The following PKIG variants were observed in gnomAD, a reference collection of about 807,000 sequenced individuals.
PKIG encodes protein kinase (cAMP-dependent, catalytic) inhibitor gamma.
A neutral mutation model predicts 6.8 loss-of-function variants in PKIG; 1 was observed. The ratio of observed to expected loss-of-function variants is 0.15; its 90% confidence interval spans 0.05 to 0.69. The LOEUF is 0.69. PKIG is among the 30% of genes least tolerant of loss of function. PKIG has a pLI of 0.82. For missense variants in PKIG, 77 were observed against 104.0 expected (o/e 0.74, Z 1.13); for synonymous variants, 39 against 43.0 (o/e 0.91, Z 0.36).
intron 1 of PKIG, among the ~76,000 whole-genome samples, chr20:44,564,986 G>A (rs897986152): frequency 2.0e-5 from 3 of 152,146 alleles, no homozygotes; most frequent in African/African-American, 7.2e-5. Flanking sequence ...AAGAAAATCA[G>A]CAATTCTTTT....
chr20:44,595,405 A>G (rs182534096), intron 2 of PKIG, among the ~76,000 whole-genome samples: 53 of 152,382 alleles, frequency 3.5e-4, no homozygotes, highest in Non-Finnish European at 7.1e-4. Flanking sequence ...CCAGGCCTCT[A>G]GTGTTTCTGC....
chr20:44,566,380 T>C (rs1489940032), intron 1 of PKIG, among the ~76,000 whole-genome samples: 1 of 152,276 alleles, frequency 6.6e-6, no homozygotes, highest in African/African-American at 2.4e-5. Context: ...TTAAATTCTC[T>C]CTGCCTTTTA....
chr20:44,583,432 A>G (rs2064964298), intron 1 of PKIG, among the ~76,000 whole-genome samples: 1 of 152,210 alleles, frequency 6.6e-6, no homozygotes, highest in Non-Finnish European at 1.5e-5. Context: ...AAACTAAGCA[A>G]GCTACTCTGT....
At position 44,614,485 on chromosome 20, in the gene PKIG, C is replaced by T. The variant is rs1568837241; in HGVS notation, c.-23-49C>T. On this transcript the variant is annotated intron_variant, in intron 2 of 3. Transcript: ENST00000372886. The surrounding 1 kb of genome is among the most constrained non-coding windows in gnomAD (Gnocchi z 4.6). ...TGGGGAACTGGAGCTGTCCTCTCTG[C>T]AGAATGCATCTGGACTTACCTCTGC... 7.2e-7 allele frequency: 1 copy of T among 1,398,032 alleles called. No homozygotes were observed. Among genetic ancestry groups the T allele is most frequent in the Non-Finnish European group, 1.0e-6 (1 of 997,980 alleles). 86.6% of individuals were successfully genotyped at this position (1,398,032 alleles called of 1,614,324 possible). A position where few individuals can be genotyped will look rare whatever the true frequency, so the allele number is the denominator to read the frequency against.
intron 1 of PKIG, among the ~76,000 whole-genome samples, chr20:44,537,654 T>C (rs528120597): frequency 3.3e-5 from 5 of 151,576 alleles, no homozygotes; most frequent in Admixed American, 1.3e-4. Context: ...TTTGGCTCAC[T>C]GCACCCTTCG....
chr20:44,532,273 C>T, intron 1 of PKIG, among the ~76,000 whole-genome samples: 1 of 152,274 alleles, frequency 6.6e-6, no homozygotes, highest in East Asian at 1.9e-4. Context: ...TAACTCAAAA[C>T]TGTGCAGAAA....
intron 1 of PKIG, among the ~76,000 whole-genome samples, chr20:44,537,000 G>T (rs7351610): frequency 6.6e-6 from 1 of 152,186 alleles, no homozygotes; most frequent in Admixed American, 6.5e-5. Flanking sequence ...CACCATCTCA[G>T]TTCACTGCAG....
At chr20:44,548,050 G>C (rs969117145) in intron 1 of PKIG, among the ~76,000 whole-genome samples, 1 of 151,986 alleles carries the variant, frequency 6.6e-6, no homozygotes, top group African/African-American at 2.4e-5. Context: ...GTGGTGTTGT[G>C]CACCTGTAAT....
chr20:44,598,149 C>T (rs1250717825), intron 2 of PKIG, among the ~76,000 whole-genome samples: 1 of 152,162 alleles, frequency 6.6e-6, no homozygotes, highest in African/African-American at 2.4e-5. Context: ...CAGGACCTCT[C>T]CCCTGTGGTT....
intron 1 of PKIG, among the ~76,000 whole-genome samples, chr20:44,561,931 A>G (rs1600853404): frequency 6.6e-6 from 1 of 152,248 alleles, no homozygotes; most frequent in Admixed American, 6.5e-5. Flanking sequence ...CTGAGCAAGC[A>G]TCCATCTTGT....
chr20:44,576,162 T>TGTGTGTGTGC (rs1334242724), intron 1 of PKIG, among the ~76,000 whole-genome samples: 1 of 114,582 alleles, frequency 8.7e-6, no homozygotes, highest in Non-Finnish European at 2.0e-5. Context: ...AAGTAGAGTG[T>TGTGTGTGTGC]GTGTGTGTGT....
At chr20:44,616,876 C>T (rs1158391001) in intron 3 of PKIG, among the ~76,000 whole-genome samples, 2 of 152,306 alleles carry the variant, frequency 1.3e-5, no homozygotes, top group East Asian at 1.9e-4. Flanking sequence ...GCAGCGGGCT[C>T]GGAATAGGGT....
At chr20:44,574,501 C>T (rs2123305978) in intron 1 of PKIG, among the ~76,000 whole-genome samples, 1 of 152,308 alleles carries the variant, frequency 6.6e-6, no homozygotes, top group Middle Eastern at 3.4e-3. Context: ...TTTCCCCTGC[C>T]ACTAGATTAT....
At chr20:44,583,180 GGTT>G (rs1422496320) in intron 1 of PKIG, among the ~76,000 whole-genome samples, 3 of 152,114 alleles carry the variant, frequency 2.0e-5, no homozygotes, top group Admixed American at 6.5e-5. Context: ...TCAGGAACAT[GGTT>G]GTTGTGTTAA....
At chr20:44,613,999 G>A (rs952932975) in intron 2 of PKIG, among the ~76,000 whole-genome samples, 3 of 152,034 alleles carry the variant, frequency 2.0e-5, no homozygotes, top group Non-Finnish European at 4.4e-5. Context: ...CCTCTCTGTA[G>A]TGCTCTTCCC....
chr20:44,606,614 G>A (rs1363678634), intron 2 of PKIG, among the ~76,000 whole-genome samples: 3 of 152,190 alleles, frequency 2.0e-5, no homozygotes, highest in Non-Finnish European at 4.4e-5. Context: ...TTCAAGACCA[G>A]CCTGGCCAAC....
intron 2 of PKIG, among the ~76,000 whole-genome samples, chr20:44,600,671 C>A (rs1285777001): frequency 6.6e-6 from 1 of 151,556 alleles, no homozygotes; most frequent in Non-Finnish European, 1.5e-5. Context: ...CATCGTAAGA[C>A]CCTGTCTCTA....
At chr20:44,601,057 C>G (rs1235355109) in intron 2 of PKIG, among the ~76,000 whole-genome samples, 4 of 152,102 alleles carry the variant, frequency 2.6e-5, no homozygotes, top group Non-Finnish European at 5.9e-5. Flanking sequence ...CCTGTGCAGA[C>G]TGGTTGGAGG....
intron 1 of PKIG, among the ~76,000 whole-genome samples, chr20:44,575,911 C>T (rs1337145054): frequency 6.6e-6 from 1 of 152,128 alleles, no homozygotes; most frequent in African/African-American, 2.4e-5. Context: ...TTCAGAGCCT[C>T]CCTGGGGTCC....
Sources: gnomAD v4.1 joint callset for allele counts (sites outside exome capture counted in the v4.1 genomes callset) on GRCh38, gnomAD v4.1.1 for gene constraint, Gnocchi (gnomAD v3.1) non-coding constraint, MANE v1.5 for transcripts, NCBI Gene and HGNC (gene_info 2026-07-23, HGNC 2026-07-21) for gene names.